MYBPC2: variants seen among roughly 807,000 people sequenced by gnomAD.
MYBPC2 encodes the protein myosin-binding protein C, fast-type.
MYBPC2 carries 122 observed loss-of-function variants against 137.0 expected under a neutral mutation model. That is an observed-to-expected ratio of 0.89 (90% CI 0.77 to 1.03). The LOEUF (loss-of-function observed/expected upper bound fraction) is 1.03, where lower values mean the gene tolerates loss of function less well. Ranked by LOEUF, MYBPC2 falls within the 50% of genes least tolerant of loss-of-function variation. The pLI, the probability that MYBPC2 is intolerant of heterozygous loss-of-function variation, is 0.00. For synonymous variants in MYBPC2, 626 were observed against 612.3 expected, an observed-to-expected ratio of 1.02 and a Z score of -0.33; for missense variants, 1,500 against 1,534.4, an observed-to-expected ratio of 0.98 and a Z score of 0.37.
Position 50,454,276 on chromosome 19 carries a change from C to A in MYBPC2, c.1921C>A (p.Pro641Thr). The A allele has an allele frequency of 6.2e-7, 1 of 1,613,902 alleles. No individual in the cohort carries two copies. The highest frequency in any genetic ancestry group is 8.5e-7 in the Non-Finnish European group (1 of 1,179,864). Residue 641 changes from proline (P) to threonine (T), a missense_variant, in exon 18 of 28, where the codon CCC becomes ACC. Physicochemically the swap from Pro to Thr is conservative, Grantham distance 38. Transcript: ENST00000357701. ...CCTGCCCCCTGCAGATGTCCCAGAC[C>A]CCCCGGAGGCTGTGCGCATCACCTC... ...IFLQVVDVPDPPEAVRITSVG... is the reference protein window; with the variant it reads ...IFLQVVDVPDTPEAVRITSVG...
intron 24 of MYBPC2, among the ~76,000 whole-genome samples, chr19:50,460,732 T>A (rs1479684540): frequency 2.0e-5 from 3 of 152,188 alleles, no homozygotes; most frequent in Non-Finnish European, 4.4e-5. Flanking sequence ...AGGGTCTTAC[T>A]CTGTCACCCA....
At chr19:50,434,922 C>T (rs531355241) in intron 1 of MYBPC2, among the ~76,000 whole-genome samples, 1 of 151,956 alleles carries the variant, frequency 6.6e-6, no homozygotes, top group Admixed American at 6.6e-5. Context: ...AAGGGAAACC[C>T]GATCCCACAG....
rs552211734 is a variant in MYBPC2, at chr19:50,435,559, C to T, written c.110-217C>T. 1.3e-5 allele frequency among the ~76,000 whole-genome samples: 2 copies of T among 152,360 alleles called. No homozygotes were observed. Among genetic ancestry groups the T allele is most frequent in the South Asian group, 2.1e-4 (1 of 4,832 alleles). On this transcript the variant is annotated intron_variant, in intron 2 of 27. Coordinates refer to ENST00000357701, the MANE Select transcript of MYBPC2 (RefSeq NM_004533.4). This position sits in a 1 kb window ranked among gnomAD's most constrained non-coding sequence, Gnocchi z 4.8. Reference sequence around the variant, plus strand: ...CCCTCCAGTCCACAGATGAGGAAACCGAGGCCCAAAGGGGTGAGGGAGCCT... The same window carrying T: ...CCCTCCAGTCCACAGATGAGGAAACTGAGGCCCAAAGGGGTGAGGGAGCCT...
At chr19:50,442,079 T>C in intron 8 of MYBPC2, 102 bp from the exon 9 acceptor site, 1 of 1,410,676 alleles carries the variant, frequency 7.1e-7, no homozygotes, top group East Asian at 2.5e-5. Flanking sequence ...ACTTTGACCT[T>C]GGAGAGCCCA....
In MYBPC2 at chr19:50,443,493, G is replaced by C; in HGVS notation, c.903-1G>C. On this transcript the variant is annotated splice_acceptor_variant, in intron 9 of 27. Transcript: ENST00000357701. LOFTEE classifies it high-confidence loss of function. ...GGTTTGAGGTGAGACTTTTGAATCA[G>C]GTACGTGTTTGAGAACGTTGGTAAG... is the stretch of plus-strand genomic sequence containing the variant. 6.2e-7 allele frequency: 1 copy of C among 1,613,172 alleles called. No homozygotes were observed. Among genetic ancestry groups the C allele is most frequent in the Non-Finnish European group, 8.5e-7 (1 of 1,179,562 alleles).
In MYBPC2 at chr19:50,442,292, AG is replaced by A; in HGVS notation, c.883del (p.Glu295ArgfsTer34). On this transcript the variant is annotated frameshift_variant, in exon 9 of 28. Coordinates refer to ENST00000357701, the MANE Select transcript of MYBPC2 (RefSeq NM_004533.4). LOFTEE classifies it high-confidence loss of function. ...DLTLKWFKNGQEIKPSSKYVF... is the reference protein window; with the variant it reads ...DLTLKWFKNGXEIKPSSKYVF... ...ACCCTCAAGTGGTTCAAGAACGGCC[AG>A]GAGATCAAACCAAGCAGCAAGTATG... is the stretch of plus-strand genomic sequence containing the variant. 2.5e-6 allele frequency: 4 copies of A among 1,609,118 alleles called. No individual in the cohort carries two copies. Among genetic ancestry groups the A allele is most frequent in the Non-Finnish European group, 3.4e-6 (4 of 1,177,816 alleles).
intron 20 of MYBPC2, 48 bp downstream of exon 20, chr19:50,455,692 G>C: frequency 1.9e-6 from 3 of 1,602,754 alleles, no homozygotes; most frequent in Non-Finnish European, 2.6e-6. Flanking sequence ...AGCACAGGTG[G>C]GTATCCAGTC....
chr19:50,454,601 T>C (rs35283536), intron 18 of MYBPC2, among the ~76,000 whole-genome samples: 23,528 of 151,612 alleles, frequency 0.16, 2,278 homozygotes, highest in Middle Eastern at 0.33. Context: ...AATTTTTGTA[T>C]TTTTAGTAGA....
At chr19:50,433,839 A>G (rs1450063466) in intron 1 of MYBPC2, among the ~76,000 whole-genome samples, 1 of 151,830 alleles carries the variant, frequency 6.6e-6, no homozygotes, top group East Asian at 2.0e-4. Context: ...ACTCTGGGAT[A>G]CCGAGGCAGG....
Position 50,446,003 on chromosome 19 carries a change from T to A in MYBPC2, c.1257T>A (p.Tyr419Ter), listed in dbSNP as rs770984074. The A allele has an allele frequency of 6.2e-7, 1 of 1,613,382 alleles. No individual in the cohort carries two copies. Among genetic ancestry groups the A allele is most frequent in the Non-Finnish European group, 8.5e-7 (1 of 1,179,736 alleles). Residue 419 changes from tyrosine (Y) to a stop codon, truncating the protein, a stop_gained, in exon 12 of 28, where the codon TAT becomes TAA. Coordinates refer to ENST00000357701, the MANE Select transcript of MYBPC2 (RefSeq NM_004533.4). LOFTEE classifies it high-confidence loss of function. ...TGGTCCAGGAGGACAGGGGTCGCTATCAGGTCATAACCAATGGCGGCCAGT... is the reference window on the plus strand; with the variant it reads ...TGGTCCAGGAGGACAGGGGTCGCTAACAGGTCATAACCAATGGCGGCCAGT... ...SDVVQEDRGRYQVITNGGQCE... is the reference protein window; with the variant it reads ...SDVVQEDRGR
intron 20 of MYBPC2, among the ~76,000 whole-genome samples, chr19:50,456,743 AT>A (rs1381572659): frequency 2.0e-5 from 3 of 151,686 alleles, no homozygotes; most frequent in Admixed American, 2.0e-4. Flanking sequence ...GCCCAGTATC[AT>A]TTTTTCATCC....
chr19:50,440,499 A>G (rs966013267), intron 7 of MYBPC2, among the ~76,000 whole-genome samples: 2 of 151,874 alleles, frequency 1.3e-5, no homozygotes, highest in Non-Finnish European at 2.9e-5. Flanking sequence ...CCCTGTTTCT[A>G]CTAAAATACA....
At position 50,435,629 on chromosome 19, in the gene MYBPC2, G is replaced by C. The variant is rs985195144; in HGVS notation, c.110-147G>C. 2.8e-6 allele frequency: 2 copies of C among 710,530 alleles called. No individual in the cohort carries two copies. The highest frequency in any genetic ancestry group is 3.6e-5 in the African/African-American group (2 of 55,518). 44.0% of individuals were successfully genotyped at this position (710,530 alleles called of 1,614,324 possible). Reference sequence around the variant, plus strand: ...CGAGGGTGACAGGTGGCCTTTCCCAGGTCAGGAAAAGCCATTTAACCCCCA... The same window carrying C: ...CGAGGGTGACAGGTGGCCTTTCCCACGTCAGGAAAAGCCATTTAACCCCCA... On this transcript the variant is annotated intron_variant, in intron 2 of 27. Transcript: ENST00000357701. This position sits in a 1 kb window ranked among gnomAD's most constrained non-coding sequence, Gnocchi z 4.8.
At position 50,435,285 on chromosome 19, in the gene MYBPC2, G is replaced by A; in HGVS notation, c.109+35G>A. 1.3e-6 allele frequency: 1 copy of A among 765,464 alleles called. No homozygotes were observed. Among genetic ancestry groups the A allele is most frequent in the Non-Finnish European group, 2.3e-6 (1 of 428,076 alleles). The allele number at this position is 765,464 out of a possible 1,614,324, so 47.4% of individuals were successfully genotyped here. On this transcript the variant is annotated intron_variant, in intron 2 of 27. Coordinates refer to ENST00000357701, the MANE Select transcript of MYBPC2 (RefSeq NM_004533.4). The surrounding 1 kb of genome is among the most constrained non-coding windows in gnomAD (Gnocchi z 4.8). ...TGCTCCCTCGGGCTCAACCGACCTG[G>A]CTTCTCATCTCCATCCTCCTCGCTA...
chr19:50,459,815 G>A (rs75761428), intron 23 of MYBPC2, among the ~76,000 whole-genome samples: 2,681 of 145,814 alleles, frequency 0.018, 69 homozygotes, highest in East Asian at 0.1. Context: ...GGTGAAGAGA[G>A]GAAGTGGGGA....
intron 24 of MYBPC2, 83 bp from the exon 25 acceptor site, chr19:50,461,459 C>G (rs2039970544): frequency 2.9e-6 from 4 of 1,402,126 alleles, no homozygotes; most frequent in Admixed American, 2.0e-5. Context: ...GCTTTTCTCA[C>G]CCCTTCTTTC....
At chr19:50,464,558 T>C (rs1451314877) in intron 27 of MYBPC2, 26 bp downstream of exon 27, 1 of 1,576,196 alleles carries the variant, frequency 6.3e-7, no homozygotes, top group Non-Finnish European at 8.6e-7. Context: ...TCCCCAACAC[T>C]GGCTGACCCT....
chr19:50,445,527 G>A (rs1481410793), intron 11 of MYBPC2, among the ~76,000 whole-genome samples: 3 of 151,802 alleles, frequency 2.0e-5, no homozygotes, highest in Admixed American at 6.6e-5. Context: ...TGAATAGCTG[G>A]GATTATAGGT....
intron 12 of MYBPC2, 102 bp downstream of exon 12, chr19:50,446,154 C>T: frequency 7.6e-7 from 1 of 1,320,338 alleles, no homozygotes; most frequent in Non-Finnish European, 1.0e-6. Flanking sequence ...CCTGACTCCT[C>T]TCTTTCCCAC....
Sources: allele counts gnomAD v4.1 joint callset (sites outside exome capture counted in the v4.1 genomes callset), GRCh38; gene constraint gnomAD v4.1.1; non-coding constraint Gnocchi (gnomAD v3.1); transcripts MANE v1.5; gene names NCBI Gene and HGNC (gene_info 2026-07-23, HGNC 2026-07-21).